HLF: variants seen among roughly 807,000 people sequenced by gnomAD.
HLF encodes HLF transcription factor, PAR bZIP family member, also known as hepatic leukemia factor.
A neutral mutation model predicts 22.6 loss-of-function variants in HLF; 3 were observed. The ratio of observed to expected loss-of-function variants is 0.13; its 90% CI spans 0.06 to 0.34. HLF has a LOEUF of 0.34. Among genes scored for constraint, HLF ranks in the 10% least tolerant of loss-of-function variants. The pLI is 1.00. For synonymous variants in HLF, 151 were observed against 151.8 expected, an observed-to-expected ratio of 0.99 and a Z score of 0.04; for missense variants, 299 against 389.2, an observed-to-expected ratio of 0.77 and a Z score of 1.95.
At chr17:55,309,735 T>C (rs994349981) in intron 2 of HLF, among the ~76,000 whole-genome samples, 1 of 152,242 alleles carries the variant, frequency 6.6e-6, no homozygotes, top group African/African-American at 2.4e-5. Flanking sequence ...TCATCAGTGA[T>C]CAACATTAGA....
At chr17:55,314,149 C>T (rs1229287383) in intron 2 of HLF, among the ~76,000 whole-genome samples, 1 of 152,124 alleles carries the variant, frequency 6.6e-6, no homozygotes, top group African/African-American at 2.4e-5. Context: ...AAATTCAGAG[C>T]TCCCAGTATA....
Position 55,321,075 on chromosome 17 carries a change from G to A in HLF, c.*196G>A, listed in dbSNP as rs945334950. Reference sequence around the variant, plus strand: ...CTCATGTGTGTGGTCAGCGGTATGTGCGTGTGCGTGTTCCTTTGCTCTTGC... The same window carrying A: ...CTCATGTGTGTGGTCAGCGGTATGTACGTGTGCGTGTTCCTTTGCTCTTGC... On this transcript the variant is annotated 3_prime_UTR_variant, in exon 4 of 4. Transcript: ENST00000226067. 19 of 565,202 alleles carry A rather than the reference G, an allele frequency of 3.4e-5. No individual in the cohort carries two copies. The highest frequency in any genetic ancestry group is 6.1e-5 in the Admixed American group (2 of 32,554). 35.0% of individuals were successfully genotyped at this position (565,202 alleles called of 1,614,324 possible).
chr17:55,265,376 G>A lies in HLF; in HGVS notation c.-109G>A. On this transcript the variant is annotated 5_prime_UTR_variant, in exon 1 of 4. Transcript: ENST00000226067. ...TCTTCCCTTTTCTCCACCGCCTTGA[G>A]AGCGAGTACTTTTGGCAAAGGACGG... 1.5e-6 allele frequency: 1 copy of A among 670,860 alleles called. No individual in the cohort carries two copies. 41.6% of individuals were successfully genotyped at this position (670,860 alleles called of 1,614,324 possible).
At chr17:55,285,224 A>G (rs1239381272) in intron 2 of HLF, among the ~76,000 whole-genome samples, 3 of 152,188 alleles carry the variant, frequency 2.0e-5, no homozygotes, top group African/African-American at 4.8e-5. Flanking sequence ...CTAGGAGTCA[A>G]GCTCCTGCTA....
At chr17:55,275,713 G>C (rs549478451) in intron 2 of HLF, among the ~76,000 whole-genome samples, 1 of 152,192 alleles carries the variant, frequency 6.6e-6, no homozygotes, top group Non-Finnish European at 1.5e-5. Flanking sequence ...CAACATCCTT[G>C]TTGGGTTTTT....
At position 55,315,303 on chromosome 17, in the gene HLF, G is replaced by C. The variant is rs1222425771; in HGVS notation, c.528G>C (p.Glu176Asp). 6.2e-7 allele frequency: 1 copy of C among 1,614,194 alleles called. No individual in the cohort carries two copies. The highest frequency in any genetic ancestry group is 1.7e-5 in the Admixed American group (1 of 60,028). ...CCATCCAGGTCCCAGTGGGTTATGA[G>C]CCAGACCCAGCAGATCTTGCCCTTT... is the stretch of plus-strand genomic sequence containing the variant. ...PDTIQVPVGYEPDPADLALSS... is the reference protein window; with the variant it reads ...PDTIQVPVGYDPDPADLALSS... Residue 176 changes from glutamate to aspartate, a missense_variant, in exon 3 of 4, where the codon GAG becomes GAC. This residue lies in a region of HLF where 224 missense variants were observed against 298.1 expected (regional missense o/e 0.75). Coordinates refer to ENST00000226067, the MANE Select transcript of HLF (RefSeq NM_002126.5).
At chr17:55,309,408 AG>A in intron 2 of HLF, among the ~76,000 whole-genome samples, 1 of 152,296 alleles carries the variant, frequency 6.6e-6, no homozygotes, top group East Asian at 1.9e-4. Flanking sequence ...GGATTTTCAG[AG>A]GCAGGCATGG....
chr17:55,291,173 G>T (rs144721068), intron 2 of HLF, among the ~76,000 whole-genome samples: 75 of 152,328 alleles, frequency 4.9e-4, no homozygotes, highest in Admixed American at 1.6e-3. Context: ...TTTTCCAAAA[G>T]ATCTAGCTAA....
chr17:55,310,146 C>T (rs1419538379), intron 2 of HLF, among the ~76,000 whole-genome samples: 1 of 152,178 alleles, frequency 6.6e-6, no homozygotes, highest in African/African-American at 2.4e-5. Flanking sequence ...TTTCTTTAAG[C>T]CCTTTGTTCC....
chr17:55,265,850 C>T (rs1261858949), intron 1 of HLF: 25 of 1,254,782 alleles, frequency 2.0e-5, no homozygotes, highest in South Asian at 2.5e-5. Context: ...CCCTGGGTCC[C>T]GCTCCTGCGG....
At chr17:55,278,909 A>G (rs1376127834) in intron 2 of HLF, among the ~76,000 whole-genome samples, 1 of 152,256 alleles carries the variant, frequency 6.6e-6, no homozygotes, top group African/African-American at 2.4e-5. Flanking sequence ...TGAAAGATTT[A>G]TAGAGGAAAG....
chr17:55,281,712 G>C (rs566716374), intron 2 of HLF, among the ~76,000 whole-genome samples: 34 of 152,264 alleles, frequency 2.2e-4, no homozygotes, highest in African/African-American at 6.5e-4. Context: ...AAATGATATT[G>C]GTCCCTGGAA....
At chr17:55,277,846 TG>T (rs2080920249) in intron 2 of HLF, among the ~76,000 whole-genome samples, 1 of 152,178 alleles carries the variant, frequency 6.6e-6, no homozygotes, top group African/African-American at 2.4e-5. Flanking sequence ...GAGTGTCTGC[TG>T]GGGGAGAAAC....
intron 3 of HLF, chr17:55,319,190 A>G (rs1043531175): frequency 1.3e-5 from 2 of 152,222 alleles, no homozygotes; most frequent in African/African-American, 2.4e-5. Context: ...CACAGTTTCT[A>G]TCCCACACTT....
chr17:55,273,543 G>C (rs1047832666), intron 2 of HLF: 2 of 152,076 alleles, frequency 1.3e-5, no homozygotes, highest in African/African-American at 4.8e-5. Flanking sequence ...GGGTTGGGAC[G>C]AATCGGTTCC....
chr17:55,292,120 A>G lies in HLF; in HGVS notation c.452-23107A>G, dbSNP rs549508307. 7.9e-5 allele frequency among the ~76,000 whole-genome samples: 12 copies of G among 152,364 alleles called. No individual in the cohort carries two copies. The East Asian group carries it at 2.3e-3, about 29-fold the overall frequency. ...ATGCTGTGAACATTGTTGAAATGCC[A>G]GCAAAGGATTTAGAATATTACATAA... On this transcript the variant is annotated intron_variant, in intron 2 of 3. Transcript: ENST00000226067.
At chr17:55,293,778 A>G (rs989183813) in intron 2 of HLF, among the ~76,000 whole-genome samples, 1 of 152,196 alleles carries the variant, frequency 6.6e-6, no homozygotes, top group African/African-American at 2.4e-5. Context: ...GCTTCTCAGT[A>G]GAAGGCTTTG....
chr17:55,299,898 A>G (rs979176283), intron 2 of HLF, among the ~76,000 whole-genome samples: 2 of 148,140 alleles, frequency 1.4e-5, no homozygotes, highest in African/African-American at 5.0e-5. Flanking sequence ...CAGTGCCACC[A>G]TCTAGCTGAC....
intron 3 of HLF, among the ~76,000 whole-genome samples, chr17:55,317,187 T>G (rs2093722354): frequency 1.3e-5 from 2 of 152,042 alleles, no homozygotes; most frequent in South Asian, 4.1e-4. Flanking sequence ...CAGGATGGTC[T>G]CGATCTCCTG....
Sources: allele counts gnomAD v4.1 joint callset (sites outside exome capture counted in the v4.1 genomes callset), GRCh38; gene constraint gnomAD v4.1.1; regional missense constraint gnomAD v4.1.1; transcripts MANE v1.5; gene names NCBI Gene and HGNC (gene_info 2026-07-23, HGNC 2026-07-21).